The following DSG4 variants were observed in gnomAD, a reference collection of about 807,000 sequenced individuals.
DSG4 encodes the protein desmoglein-4.
DSG4 carries 87 observed loss-of-function variants against 93.1 expected under a neutral mutation model. The observed-to-expected ratio is 0.93, with a 90% CI of 0.79 to 1.12. The LOEUF (loss-of-function observed/expected upper bound fraction) is 1.12, where lower values mean the gene tolerates loss of function less well. Ranked by LOEUF, DSG4 falls within the 50% of genes most tolerant of loss-of-function variation. The pLI is 0.00. For synonymous variants in DSG4, 432 were observed against 452.9 expected, an observed-to-expected ratio of 0.95 and a Z score of 0.59; for missense variants, 1,373 against 1,285.7, an observed-to-expected ratio of 1.07 and a Z score of -1.04.
chr18:31,412,918 G>A lies in DSG4; in HGVS notation c.2446G>A (p.Gly816Ser), dbSNP rs891101847. ...YDHEGVGSPV[G>S]SIGCCSWIVD... ...CCACGAGGGAGTCGGGTCTCCCGTA[G>A]GCTCTATTGGTTGTTGCAGTTGGAT... The change falls in exon 16 of 16, where the codon GGC (glycine) becomes AGC (serine). Residue 816 changes from glycine (G) to serine (S), a missense_variant. Coordinates refer to ENST00000308128, the MANE Select transcript of DSG4 (RefSeq NM_177986.5). 9 of 1,614,170 alleles carry A rather than the reference G, an allele frequency of 5.6e-6. No individual in the cohort carries two copies. In the Middle Eastern group the frequency reaches 1.3e-3, roughly 237 times the overall value.
At position 31,399,388 on chromosome 18, in the gene DSG4, T is replaced by C. The variant is rs1398345466; in HGVS notation, c.1122T>C (p.Ile374=). 6.2e-7 allele frequency: 1 copy of C among 1,614,134 alleles called. No homozygotes were observed. The highest frequency in any genetic ancestry group is 8.5e-7 in the Non-Finnish European group (1 of 1,179,984). ...QFQMHPTPVR[I]QVVDVREGPA... ...AAATGCACCCAACCCCTGTGAGAAT[T>C]CAAGTTGTTGATGTGAGAGAAGGAC... The change falls in exon 9 of 16, where the codon ATT becomes ATC. Residue 374 remains isoleucine, a synonymous_variant. Transcript: ENST00000308128.
intron 7 of DSG4, among the ~76,000 whole-genome samples, chr18:31,391,663 T>A (rs1339576098): frequency 2.1e-5 from 3 of 144,370 alleles, no homozygotes; most frequent in Admixed American, 1.4e-4. Flanking sequence ...TGTTTCGGTT[T>A]AAAAAAAAAA....
At chr18:31,379,300 G>C (rs535064483) in intron 1 of DSG4, among the ~76,000 whole-genome samples, 15 of 152,122 alleles carry the variant, frequency 9.9e-5, no homozygotes, top group Admixed American at 2.6e-4. Context: ...AGAATGTATG[G>C]TTAGACATGA....
intron 1 of DSG4, among the ~76,000 whole-genome samples, chr18:31,378,536 T>C (rs1398246781): frequency 6.6e-6 from 1 of 152,128 alleles, no homozygotes; most frequent in Non-Finnish European, 1.5e-5. Context: ...CTTGAAAGAG[T>C]ATTATACTTC....
intron 3 of DSG4, among the ~76,000 whole-genome samples, chr18:31,387,729 A>G (rs769960903): frequency 6.6e-6 from 1 of 152,076 alleles, no homozygotes; most frequent in Non-Finnish European, 1.5e-5. Flanking sequence ...AAATCTTACT[A>G]TTTTACTGAA....
Position 31,391,088 on chromosome 18 carries a change from T to C in DSG4, c.695T>C (p.Met232Thr). 2 of 1,613,732 alleles carry C rather than the reference T, an allele frequency of 1.2e-6. No homozygotes were observed. Among genetic ancestry groups the C allele is most frequent in the Non-Finnish European group, 1.7e-6 (2 of 1,179,736 alleles). ...SSFLDREQHS[M>T]YNLVVRGSDR... The stretch of plus-strand genomic sequence containing the variant: ...TTCATCTTGATTAAGCAACACAGTA[T>C]GTACAACCTGGTTGTGAGAGGCTCA... Residue 232 changes from methionine (M) to threonine (T), a missense_variant, in exon 7 of 16, where the codon ATG becomes ACG. Met to Thr is a moderately conservative substitution (Grantham distance 81, BLOSUM62 -1). Transcript: ENST00000308128.
intron 15 of DSG4, 108 bp from the exon 16 acceptor site, chr18:31,412,720 T>C: frequency 1.7e-6 from 2 of 1,175,198 alleles, no homozygotes; most frequent in Non-Finnish European, 2.4e-6. Context: ...CATTATTCAG[T>C]TTATTCCGTA....
chr18:31,400,736 A>G (rs1029396230), intron 9 of DSG4, 145 bp from the exon 10 acceptor site: 20 of 747,056 alleles, frequency 2.7e-5, no homozygotes, highest in Middle Eastern at 8.0e-4. Flanking sequence ...TTATTGATAT[A>G]TATGTACTTT....
At position 31,413,866 on chromosome 18, in the gene DSG4, A is replaced by C; in HGVS notation, c.*271A>C. 1 of 387,198 alleles carries C rather than the reference A, an allele frequency of 2.6e-6. No individual in the cohort carries two copies. The highest frequency in any genetic ancestry group is 2.5e-5 in the South Asian group (1 of 39,574). 24.0% of individuals were successfully genotyped at this position (387,198 alleles called of 1,614,324 possible). A position where few individuals can be genotyped will look rare whatever the true frequency, so the allele number is the denominator to read the frequency against. On this transcript the variant is annotated 3_prime_UTR_variant, in exon 16 of 16. Coordinates refer to ENST00000308128, the MANE Select transcript of DSG4 (RefSeq NM_177986.5). ...CCCTTGATACTGTCTAACGAATAGC[A>C]CATAACTCATATTGTGAATCCTATG... is the stretch of plus-strand genomic sequence containing the variant.
At chr18:31,401,144 A>G in intron 10 of DSG4, 124 bp downstream of exon 10, 2 of 730,404 alleles carry the variant, frequency 2.7e-6, no homozygotes, top group Non-Finnish European at 4.2e-6. Flanking sequence ...ACTTATGGAA[A>G]GCCCTAAACA....
chr18:31,380,951 A>G (rs1446681437), intron 1 of DSG4, among the ~76,000 whole-genome samples: 1 of 152,184 alleles, frequency 6.6e-6, no homozygotes, highest in Admixed American at 6.5e-5. Flanking sequence ...AAAAGAGAAA[A>G]CAAGACCCAG....
chr18:31,390,314 G>A (rs2144177155), intron 5 of DSG4, among the ~76,000 whole-genome samples: 1 of 151,962 alleles, frequency 6.6e-6, no homozygotes. Context: ...ACAAGACCAT[G>A]GCAAAAAATA....
At position 31,388,398 on chromosome 18, in the gene DSG4, T is replaced by A; in HGVS notation, c.248T>A (p.Ile83Lys). ...IRSDCESNQK[I>K]TYRISGVGID... is the part of the protein sequence containing the mutation. Reference sequence around the variant, plus strand: ...TCAGACTGCGAATCGAACCAGAAGATAACATACCGGATTTCTGGAGTAGGG... The same window carrying A: ...TCAGACTGCGAATCGAACCAGAAGAAAACATACCGGATTTCTGGAGTAGGG... Residue 83 changes from isoleucine to lysine, a missense_variant, in exon 4 of 16, where the codon ATA (isoleucine) becomes AAA (lysine). Physicochemically the swap from Ile to Lys is moderately radical, Grantham distance 102 (BLOSUM62 -3). Coordinates refer to ENST00000308128, the MANE Select transcript of DSG4 (RefSeq NM_177986.5). The A allele has an allele frequency of 6.2e-7, 1 of 1,613,492 alleles. No individual in the cohort carries two copies. Among genetic ancestry groups the A allele is most frequent in the South Asian group, 1.1e-5 (1 of 91,072 alleles).
At chr18:31,387,355 A>C (rs928020138) in intron 3 of DSG4, among the ~76,000 whole-genome samples, 1 of 152,204 alleles carries the variant, frequency 6.6e-6, no homozygotes, top group African/African-American at 2.4e-5. Context: ...AGCTTCATTC[A>C]CTCTTTCTGG....
chr18:31,401,298 CTT>C (rs1188779432), intron 10 of DSG4, among the ~76,000 whole-genome samples: 1 of 152,130 alleles, frequency 6.6e-6, no homozygotes, highest in Non-Finnish European at 1.5e-5. Context: ...GACTTTGTCT[CTT>C]GAGTATGGCT....
rs185343873 is a variant in DSG4 at position 31,399,680 on chromosome 18, G to A, written c.1277+137G>A. The A allele has an allele frequency of 3.6e-4, 417 of 1,155,932 alleles. 1 individual carries two copies. In the African/African-American group the frequency reaches 6.1e-3, roughly 17 times the overall value. The allele number at this position is 1,155,932 out of a possible 1,614,324, so 71.6% of individuals were successfully genotyped here. A position where few individuals can be genotyped will look rare whatever the true frequency, so the allele number is the denominator to read the frequency against. On this transcript the variant is annotated intron_variant, in intron 9 of 15. Coordinates refer to ENST00000308128, the MANE Select transcript of DSG4 (RefSeq NM_177986.5). ...ATTCCTTTGATTTAAAAGACTATTA[G>A]AGCATTTGAAATCTTAGAATTTTAA...
Position 31,389,229 on chromosome 18 carries a change from T to A in DSG4, c.517+211T>A, listed in dbSNP as rs2072223425. Among the ~76,000 whole-genome samples, 3 of 152,160 alleles carry A rather than the reference T, an allele frequency of 2.0e-5. No homozygotes were observed. The South Asian group carries it at 6.2e-4, about 31-fold the overall frequency. On this transcript the variant is annotated intron_variant, in intron 5 of 15. Coordinates refer to ENST00000308128, the MANE Select transcript of DSG4 (RefSeq NM_177986.5). ...AAAATATCTTCTTACTTGCGGAAGG[T>A]CCCTACAGGGATTTAGCAGGTGCTT...
rs191434635 is a variant in DSG4, at chr18:31,389,828, G to A, written c.517+810G>A. Reference sequence around the variant, plus strand: ...AAACACAAAATTTTTTTTTGAACTAGGATAGTCCTCCCATAGAGAGGCAAA... The same window carrying A: ...AAACACAAAATTTTTTTTTGAACTAAGATAGTCCTCCCATAGAGAGGCAAA... On this transcript the variant is annotated intron_variant, in intron 5 of 15. Transcript: ENST00000308128. Among the ~76,000 whole-genome samples the A allele has an allele frequency of 1.9e-3, 290 of 152,122 alleles. 1 individual carries two copies. The highest frequency in any genetic ancestry group is 6.6e-3 in the African/African-American group (273 of 41,500).
At chr18:31,399,597 T>C (rs1429527641) in intron 9 of DSG4, 54 bp downstream of exon 9, 20 of 1,607,944 alleles carry the variant, frequency 1.2e-5, no homozygotes, top group South Asian at 9.9e-5. Flanking sequence ...TTAATTCATG[T>C]AGCATGCGCT....
Sources: allele counts gnomAD v4.1 joint callset (sites outside exome capture counted in the v4.1 genomes callset), GRCh38; gene constraint gnomAD v4.1.1; transcripts MANE v1.5; gene names NCBI Gene and HGNC (gene_info 2026-07-23, HGNC 2026-07-21).